Variants in SQSTM1 observed in about 807,000 individuals in gnomAD.
SQSTM1 encodes the protein sequestosome-1.
In SQSTM1, 36 loss-of-function variants were observed where a neutral mutation model predicts 45.1. That is an observed-to-expected ratio of 0.80 (90% CI 0.61 to 1.05). The LOEUF (loss-of-function observed/expected upper bound fraction) is 1.05. SQSTM1 is among the 50% of genes least tolerant of loss of function. The probability of loss-of-function intolerance (pLI) is 0.00; values close to 1 mark genes in which losing one functional copy is unlikely to be tolerated. For synonymous variants in SQSTM1, 290 were observed against 244.3 expected, an observed-to-expected ratio of 1.19 and a Z score of -1.74; for missense variants, 617 against 607.1, an observed-to-expected ratio of 1.02 and a Z score of -0.17.
intron 7 of SQSTM1, 151 bp from the exon 8 acceptor site, chr5:179,836,285 A>G (rs773867557): frequency 2.8e-4 from 270 of 974,412 alleles, no homozygotes; most frequent in Non-Finnish European, 3.8e-4. Flanking sequence ...CAGGGAAAGC[A>G]GGTCCACTGT....
At position 179,811,327 on chromosome 5, in the gene SQSTM1, TTGCAGGGGGAGGAGCTA is replaced by T. The variant is rs1554160846; in HGVS notation, c.-156-214_-156-198del. Among the ~76,000 whole-genome samples, 112 of 121,976 alleles carry T rather than the reference TTGCAGGGGGAGGAGCTA, an allele frequency of 9.2e-4. 1 individual carries two copies. Among genetic ancestry groups the T allele is most frequent in the African/African-American group, 1.1e-3 (32 of 30,408 alleles). 80.0% of individuals were successfully genotyped at this position (121,976 alleles called of 152,430 possible). A position where few individuals can be genotyped will look rare whatever the true frequency, so the allele number is the denominator to read the frequency against. Reference sequence around the variant, plus strand: ...AGAAGCTCTGCAGGGGGGAGGAGCTTTGCAGGGGGAGGAGCTATGCAGGGGGAGGAGCTATGCAGGGG... The same window carrying T: ...AGAAGCTCTGCAGGGGGGAGGAGCTTTGCAGGGGGAGGAGCTATGCAGGGG... On this transcript the variant is annotated intron_variant, in intron 1 of 5. Transcript: ENST00000514093.
intron 5 of SQSTM1, among the ~76,000 whole-genome samples, chr5:179,832,379 G>T (rs1337783038): frequency 6.6e-6 from 1 of 152,238 alleles, no homozygotes; most frequent in Non-Finnish European, 1.5e-5. Context: ...TGAGCCTGGA[G>T]GTGTGCAGGT....
chr5:179,811,314 GGGGGGAGGAGCTTTGCA>G (rs1457723324), intron 1 of SQSTM1, among the ~76,000 whole-genome samples: 56 of 144,792 alleles, frequency 3.9e-4, no homozygotes, highest in African/African-American at 9.4e-4. Context: ...AAGCTCTGCA[GGGGGGAGGAGCTTTGCA>G]GGGGGAGGAG....
rs768839085 is a variant in SQSTM1, at chr5:179,837,367, G to T, written c.*774G>T. On this transcript the variant is annotated 3_prime_UTR_variant, in exon 8 of 8. Transcript: ENST00000389805. ...CTGTCCCTCCTAACAAGTGTATCTC[G>T]ATTAATAACCTGCCAGTCCCAGATC... The T allele has an allele frequency of 1.9e-6, 3 of 1,581,474 alleles. No homozygotes were observed. The highest frequency in any genetic ancestry group is 2.6e-6 in the Non-Finnish European group (3 of 1,162,824).
intron 1 of SQSTM1, among the ~76,000 whole-genome samples, chr5:179,809,325 ATTTTTTTTTTTTTT>A (rs71001049): frequency 2.4e-5 from 1 of 41,080 alleles, no homozygotes; most frequent in African/African-American, 1.1e-4. Context: ...CGCCTGGCTA[ATTTTTTTTTTTTTT>A]TTTTTTTTTT....
Position 179,821,074 on chromosome 5 carries a change from G to T in SQSTM1, c.138G>T (p.Arg46=). 1.4e-6 allele frequency: 2 copies of T among 1,479,408 alleles called. No homozygotes were observed. Among genetic ancestry groups the T allele is most frequent in the Non-Finnish European group, 1.8e-6 (2 of 1,118,224 alleles). 91.6% of individuals were successfully genotyped at this position (1,479,408 alleles called of 1,614,324 possible). A position where few individuals can be genotyped will look rare whatever the true frequency, so the allele number is the denominator to read the frequency against. The part of the protein sequence containing the change: ...EAAAGPGPCE[R]LLSRVAALFP... ...CGGCGGGTCCGGGACCCTGCGAGCG[G>T]CTGCTGAGCCGGGTGGCCGCCCTGT... Residue 46 remains arginine (R), a synonymous_variant, in exon 1 of 8, where the codon CGG becomes CGT. Coordinates refer to ENST00000389805, the MANE Select transcript of SQSTM1 (RefSeq NM_003900.5).
At chr5:179,834,174 C>A (rs1189305343) in intron 7 of SQSTM1, among the ~76,000 whole-genome samples, 1 of 132,390 alleles carries the variant, frequency 7.6e-6, no homozygotes, top group African/African-American at 3.0e-5. Flanking sequence ...GGGTCATAGC[C>A]AAGATCCCTG....
rs761822261 is a variant in SQSTM1, at chr5:179,824,300, G to T, written c.650G>T (p.Arg217Leu). 9 of 1,613,516 alleles carry T rather than the reference G, an allele frequency of 5.6e-6. No homozygotes were observed. The highest frequency in any genetic ancestry group is 7.6e-6 in the Non-Finnish European group (9 of 1,179,998). The change falls in exon 4 of 8, where the codon CGC becomes CTC. Residue 217 changes from arginine to leucine, a missense_variant. By Grantham distance (102) the Arg-to-Leu change is moderately radical. Coordinates refer to ENST00000389805, the MANE Select transcript of SQSTM1 (RefSeq NM_003900.5). ...CGTCCTCCTCGTGCAGGGGAGGCCC[G>T]CCCTGGCCCCACGGCAGAATCAGGT... is the stretch of plus-strand genomic sequence containing the variant. ...SPRPPRAGEA[R>L]PGPTAESASG...
chr5:179,825,868 C>T (rs1448445428), intron 5 of SQSTM1, among the ~76,000 whole-genome samples: 2 of 152,078 alleles, frequency 1.3e-5, no homozygotes, highest in Admixed American at 1.3e-4. Context: ...GGCTAAGGGT[C>T]TCGGGTGGGT....
intron 1 of SQSTM1, chr5:179,811,435 CAT>C (rs534798907): frequency 2.7e-5 from 4 of 147,950 alleles, no homozygotes; most frequent in East Asian, 2.0e-4. Context: ...AGCTTGGTCT[CAT>C]GTTCGGGGTG....
intron 5 of SQSTM1, among the ~76,000 whole-genome samples, chr5:179,832,143 G>A (rs1017614070): frequency 1.3e-5 from 2 of 152,192 alleles, no homozygotes; most frequent in Non-Finnish European, 2.9e-5. Context: ...GGAGAGGCAG[G>A]TACTGGTCCA....
Position 179,836,761 on chromosome 5 carries a change from G to T in SQSTM1, c.*168G>T, listed in dbSNP as rs955301962. On this transcript the variant is annotated 3_prime_UTR_variant, in exon 8 of 8. Transcript: ENST00000389805. Reference sequence around the variant, plus strand: ...CAGCAAAACAAGTGACATGAAGGGAGGGTCCCTGTGTGTGTGTGTGCTGAT... The same window carrying T: ...CAGCAAAACAAGTGACATGAAGGGATGGTCCCTGTGTGTGTGTGTGCTGAT... 4 of 1,019,016 alleles carry T rather than the reference G, an allele frequency of 3.9e-6. No individual in the cohort carries two copies. The highest frequency in any genetic ancestry group is 2.1e-4 in the Middle Eastern group (1 of 4,690). 63.1% of individuals were successfully genotyped at this position (1,019,016 alleles called of 1,614,324 possible).
intron 1 of SQSTM1, among the ~76,000 whole-genome samples, chr5:179,809,076 C>T (rs1470974346): frequency 6.7e-6 from 1 of 149,138 alleles, no homozygotes; most frequent in Non-Finnish European, 1.5e-5. Context: ...CCAGGATGGT[C>T]TCGATCTCCT....
chr5:179,816,679 G>A (rs539619147), upstream of SQSTM1, among the ~76,000 whole-genome samples: 2 of 152,242 alleles, frequency 1.3e-5, no homozygotes, highest in African/African-American at 4.8e-5. Context: ...TTTTCCCACA[G>A]TCCCCCCAGG....
intron 5 of SQSTM1, among the ~76,000 whole-genome samples, chr5:179,826,414 G>A (rs1216719824): frequency 3.3e-5 from 5 of 151,866 alleles, no homozygotes; most frequent in African/African-American, 7.3e-5. Flanking sequence ...TGATCCACCC[G>A]TCTTGGCCTC....
chr5:179,834,162 G>GGGC (rs1267979337), intron 7 of SQSTM1, among the ~76,000 whole-genome samples: 3 of 144,596 alleles, frequency 2.1e-5, no homozygotes, highest in African/African-American at 7.8e-5. Context: ...TGAGAGGGGG[G>GGGC]GGGGTCATAG....
At chr5:179,821,837 G>T (rs1757794021) in intron 1 of SQSTM1, 1 of 281,440 alleles carries the variant, frequency 3.6e-6, no homozygotes, top group Middle Eastern at 1.4e-3. Flanking sequence ...GGTTAGGGAG[G>T]TGGTTGTGGC....
In SQSTM1 at chr5:179,823,975, A is replaced by G. The variant is rs1353769441; in HGVS notation, c.419A>G (p.Tyr140Cys). 1 of 1,614,036 alleles carries G rather than the reference A, an allele frequency of 6.2e-7. No homozygotes were observed. Among genetic ancestry groups the G allele is most frequent in the East Asian group, 2.2e-5 (1 of 44,874 alleles). ...AATGGGCCTGTGGTAGGAACCCGCT[A>G]CAAGTGCAGCGTCTGCCCAGACTAC... ...GCNGPVVGTR[Y>C]KCSVCPDYDL... Residue 140 changes from tyrosine (Y) to cysteine (C), a missense_variant, in exon 3 of 8, where the codon TAC (tyrosine) becomes TGC (cysteine). Coordinates refer to ENST00000389805, the MANE Select transcript of SQSTM1 (RefSeq NM_003900.5).
At chr5:179,828,172 T>G (rs1758073043) in intron 5 of SQSTM1, among the ~76,000 whole-genome samples, 1 of 152,168 alleles carries the variant, frequency 6.6e-6, no homozygotes. Context: ...GTAGACAAAG[T>G]AGCCTGTCCA....
Sources: allele counts gnomAD v4.1 joint callset (sites outside exome capture counted in the v4.1 genomes callset), GRCh38; gene constraint gnomAD v4.1.1; transcripts MANE v1.5; gene names NCBI Gene and HGNC (gene_info 2026-07-23, HGNC 2026-07-21).